The following CWF19L2 variants were observed in gnomAD, a reference collection of about 807,000 sequenced individuals.
The protein encoded by CWF19L2 is CWF19 like cell cycle control factor 2, also known as CWF19-like protein 2.
Under a neutral mutation model 111.7 loss-of-function variants are expected in CWF19L2, and 98 were observed. The observed-to-expected ratio is 0.88, with a 90% CI of 0.75 to 1.04. The LOEUF (loss-of-function observed/expected upper bound fraction) is 1.04, where lower values mean the gene tolerates loss of function less well. Among genes scored for constraint, CWF19L2 ranks in the 50% least tolerant of loss-of-function variants. CWF19L2 has a pLI of 0.00. For synonymous variants in CWF19L2, 351 were observed against 342.9 expected, an observed-to-expected ratio of 1.02 and a Z score of -0.26; for missense variants, 1,101 against 1,051.4, an observed-to-expected ratio of 1.05 and a Z score of -0.65.
intron 3 of CWF19L2, among the ~76,000 whole-genome samples, chr11:107,450,222 G>A (rs1861759225): frequency 6.6e-6 from 1 of 151,860 alleles, no homozygotes; most frequent in Non-Finnish European, 1.5e-5. Flanking sequence ...TGGGCAACAT[G>A]GCAAAACCAC....
At chr11:107,399,594 G>C (rs1423414121) in intron 10 of CWF19L2, among the ~76,000 whole-genome samples, 1 of 152,112 alleles carries the variant, frequency 6.6e-6, no homozygotes, top group Non-Finnish European at 1.5e-5. Flanking sequence ...TAAGAAATTA[G>C]ATAGACAGCA....
At chr11:107,336,313 A>G (rs573376878) in intron 15 of CWF19L2, among the ~76,000 whole-genome samples, 2 of 152,048 alleles carry the variant, frequency 1.3e-5, no homozygotes, top group African/African-American at 4.8e-5. Flanking sequence ...TGCCCAGTTA[A>G]TTTTTGTATT....
At position 107,427,656 on chromosome 11, in the gene CWF19L2, C is replaced by T. The variant is rs1591198166; in HGVS notation, c.1433+1143G>A. On this transcript the variant is annotated intron_variant, in intron 8 of 17. Coordinates refer to ENST00000282251, the MANE Select transcript of CWF19L2 (RefSeq NM_152434.3). ...TATCAGGAAATAAGAGCCTCATTCC[C>T]CTAGTGACTGGGAACTGGAAATAGT... is the stretch of plus-strand genomic sequence containing the variant. 2.6e-5 allele frequency among the ~76,000 whole-genome samples: 4 copies of T among 152,200 alleles called. No individual in the cohort carries two copies. In the South Asian group the frequency reaches 8.3e-4, roughly 32 times the overall value.
intron 10 of CWF19L2, among the ~76,000 whole-genome samples, chr11:107,394,739 C>G (rs867433824): frequency 7.9e-5 from 12 of 152,168 alleles, no homozygotes; most frequent in Non-Finnish European, 1.5e-4. Context: ...CCTTCACTTT[C>G]TCCTTCATTT....
In CWF19L2 at chr11:107,411,739, G is replaced by A. The variant is rs576333361; in HGVS notation, c.1617+4470C>T. On this transcript the variant is annotated intron_variant, in intron 10 of 17. Transcript: ENST00000282251. ...GCTCTCATACATTTAATGCCCCTTCGGATATTTTAAAAACCTGATTATCAA... is the reference window on the plus strand; with the variant it reads ...GCTCTCATACATTTAATGCCCCTTCAGATATTTTAAAAACCTGATTATCAA... Among the ~76,000 whole-genome samples, 11 of 151,996 alleles carry A rather than the reference G, an allele frequency of 7.2e-5. 1 individual carries two copies. Among genetic ancestry groups the A allele is most frequent in the Non-Finnish European group, 5.9e-5 (4 of 67,960 alleles).
At chr11:107,335,596 T>G (rs768792538) in intron 15 of CWF19L2, among the ~76,000 whole-genome samples, 9 of 152,128 alleles carry the variant, frequency 5.9e-5, no homozygotes, top group Non-Finnish European at 1.3e-4. Flanking sequence ...AATTTGTCAA[T>G]TTGTAATTTA....
rs759530777 is a variant in CWF19L2, at chr11:107,443,140, G to A, written c.340-91C>T. On this transcript the variant is annotated intron_variant, in intron 3 of 17. Coordinates refer to ENST00000282251, the MANE Select transcript of CWF19L2 (RefSeq NM_152434.3). ...TGTTAAGTGGTAGAAATTCAACATC[G>A]TAGAAAAAAATTCTTACACTGTATT... 6.2e-5 allele frequency: 54 copies of A among 872,796 alleles called. No homozygotes were observed. In the African/African-American group the frequency reaches 6.3e-4, roughly 10 times the overall value. 54.1% of individuals were successfully genotyped at this position (872,796 alleles called of 1,614,324 possible).
intron 10 of CWF19L2, among the ~76,000 whole-genome samples, chr11:107,394,458 T>C (rs1860893460): frequency 6.6e-6 from 1 of 152,194 alleles, no homozygotes; most frequent in Non-Finnish European, 1.5e-5. Flanking sequence ...ATTATTAAAT[T>C]GTCATCTTCC....
intron 7 of CWF19L2, among the ~76,000 whole-genome samples, chr11:107,433,255 A>G (rs1400588588): frequency 1.3e-5 from 2 of 152,132 alleles, no homozygotes; most frequent in Non-Finnish European, 2.9e-5. Context: ...GAGTATATAT[A>G]CACTCTTTTA....
In CWF19L2 at chr11:107,373,596, C is replaced by T. The variant is rs1365068845; in HGVS notation, c.1872+16478G>A. ...GAAGGAAAACTAACAACAGAAAGGA[C>T]ATCCACACCAAAAACCCATCTGTAC... On this transcript the variant is annotated intron_variant, in intron 12 of 17. Transcript: ENST00000282251. Among the ~76,000 whole-genome samples the T allele has an allele frequency of 3.0e-4, 38 of 126,156 alleles. 6 individuals carry two copies. Among genetic ancestry groups the T allele is most frequent in the Admixed American group, 2.9e-3 (38 of 13,226 alleles). 82.8% of individuals were successfully genotyped at this position (126,156 alleles called of 152,430 possible).
intron 10 of CWF19L2, among the ~76,000 whole-genome samples, chr11:107,393,608 C>T (rs1860880347): frequency 6.6e-6 from 1 of 152,136 alleles, no homozygotes; most frequent in East Asian, 1.9e-4. Context: ...GCACTATTCA[C>T]ACAATTGCCA....
rs1056199879 is a variant in CWF19L2 at position 107,334,935 on chromosome 11, C to T, written c.2385G>A (p.Glu795=). The T allele has an allele frequency of 6.2e-7, 1 of 1,606,022 alleles. No homozygotes were observed. Reference sequence around the variant, plus strand: ...CTATCAACTTCTTGTTCATGGACCACTCTTCATCAGATTCCATTATGGCTT... The same window carrying T: ...CTATCAACTTCTTGTTCATGGACCATTCTTCATCAGATTCCATTATGGCTT... ...FKKAIMESDE[E]WSMNKKLIDL... is the part of the protein sequence containing the mutation. Residue 795 remains glutamate (E), a synonymous_variant, in exon 16 of 18, where the codon GAG becomes GAA. Transcript: ENST00000282251.
At chr11:107,384,766 T>C (rs1165004541) in intron 12 of CWF19L2, among the ~76,000 whole-genome samples, 1 of 152,226 alleles carries the variant, frequency 6.6e-6, no homozygotes, top group Non-Finnish European at 1.5e-5. Flanking sequence ...ATTTACTGTC[T>C]GGCCCTTTAC....
At chr11:107,390,380 T>C (rs1417250179) in intron 11 of CWF19L2, among the ~76,000 whole-genome samples, 169 bp from the exon 12 acceptor site, 2 of 152,212 alleles carry the variant, frequency 1.3e-5, no homozygotes, top group African/African-American at 4.8e-5. Context: ...AAAACTTCCA[T>C]TAGAATTACA....
At chr11:107,447,964 C>T (rs922703229) in intron 3 of CWF19L2, among the ~76,000 whole-genome samples, 10 of 151,640 alleles carry the variant, frequency 6.6e-5, no homozygotes, top group Admixed American at 2.6e-4. Context: ...AAGATCCAAA[C>T]GAAACATCTA....
rs535297042 is a variant in CWF19L2 at position 107,332,843 on chromosome 11, T to C, written c.2439+2038A>G. Among the ~76,000 whole-genome samples, 256 of 152,186 alleles carry C rather than the reference T, an allele frequency of 1.7e-3. 1 individual carries two copies. Among genetic ancestry groups the C allele is most frequent in the African/African-American group, 6.0e-3 (250 of 41,552 alleles). On this transcript the variant is annotated intron_variant, in intron 16 of 17. Transcript: ENST00000282251. Reference sequence around the variant, plus strand: ...ATAAAATCTTAAAGCTAAAAGGGGCTGGGCGCAGTGGCTCACACCTGTATT... The same window carrying C: ...ATAAAATCTTAAAGCTAAAAGGGGCCGGGCGCAGTGGCTCACACCTGTATT...
In CWF19L2 at chr11:107,455,783, C is replaced by T. The variant is rs1340804855; in HGVS notation, c.106-7G>A. The T allele has an allele frequency of 6.6e-7, 1 of 1,521,348 alleles. No individual in the cohort carries two copies. Among genetic ancestry groups the T allele is most frequent in the Non-Finnish European group, 8.9e-7 (1 of 1,129,580 alleles). 94.2% of individuals were successfully genotyped at this position (1,521,348 alleles called of 1,614,324 possible). On this transcript the variant is annotated splice_polypyrimidine_tract_variant and splice_region_variant and intron_variant, in intron 1 of 17. Coordinates refer to ENST00000282251, the MANE Select transcript of CWF19L2 (RefSeq NM_152434.3). ...TTTCAAAATTGGCTTTAGCCTACAA[C>T]CAAAGAAAAAAAAAAGACAAACTGG...
At chr11:107,354,947 C>T (rs1164137844) in intron 12 of CWF19L2, among the ~76,000 whole-genome samples, 1 of 152,072 alleles carries the variant, frequency 6.6e-6, no homozygotes, top group Non-Finnish European at 1.5e-5. Flanking sequence ...TCTTGCAAGC[C>T]CCTCCAATGT....
intron 10 of CWF19L2, chr11:107,404,475 AGTT>A (rs772750376): frequency 3.7e-5 from 28 of 763,184 alleles, no homozygotes; most frequent in Non-Finnish European, 6.1e-5. Context: ...CCCAGCCCTT[AGTT>A]GTTGTAGGCG....
Sources: gnomAD v4.1 joint callset for allele counts (sites outside exome capture counted in the v4.1 genomes callset) on GRCh38, gnomAD v4.1.1 for gene constraint, MANE v1.5 for transcripts, NCBI Gene and HGNC (gene_info 2026-07-23, HGNC 2026-07-21) for gene names.